Variants in DMXL1 observed in about 807,000 individuals in gnomAD.
DMXL1 encodes Dmx like 1.
Under a neutral mutation model 319.2 loss-of-function variants are expected in DMXL1, and 99 were observed. The ratio of observed to expected loss-of-function variants is 0.31; its 90% CI spans 0.26 to 0.37. DMXL1 has a LOEUF of 0.37. Among genes scored for constraint, DMXL1 ranks in the 10% least tolerant of loss-of-function variants. The probability of loss-of-function intolerance (pLI) is 1.00; values close to 1 mark genes in which losing one functional copy is unlikely to be tolerated. For synonymous variants in DMXL1, 1,385 were observed against 1,235.2 expected (o/e 1.12, Z -2.54); for missense variants, 3,745 against 3,595.6 (o/e 1.04, Z -1.06).
At chr5:119,174,585 A>G (rs1775417566) in intron 25 of DMXL1, among the ~76,000 whole-genome samples, 1 of 152,254 alleles carries the variant, frequency 6.6e-6, no homozygotes, top group Admixed American at 6.5e-5. Context: ...TGACTGGCAT[A>G]CTTCACAATC....
intron 9 of DMXL1, among the ~76,000 whole-genome samples, chr5:119,123,096 C>T (rs892189172): frequency 6.6e-6 from 1 of 152,122 alleles, no homozygotes; most frequent in Admixed American, 6.5e-5. Flanking sequence ...TGGTTAGGAG[C>T]TGGAGACCGG....
rs1184621030 is a variant in DMXL1, at chr5:119,181,499, T to C, written c.7135+3255T>C. Among the ~76,000 whole-genome samples the C allele has an allele frequency of 3.9e-5, 6 of 152,304 alleles. No individual in the cohort carries two copies. The South Asian group carries it at 1.2e-3, about 32-fold the overall frequency. On this transcript the variant is annotated intron_variant, in intron 28 of 43. Coordinates refer to ENST00000539542, the MANE Select transcript of DMXL1 (RefSeq NM_001290321.3). ...CACTGAATGATGAAAACTAAAGGCCTGCTGGTTTCAAAGCCAAGCTAATTT... is the reference window on the plus strand; with the variant it reads ...CACTGAATGATGAAAACTAAAGGCCCGCTGGTTTCAAAGCCAAGCTAATTT...
At chr5:119,077,534 C>T (rs1249594897) in intron 1 of DMXL1, among the ~76,000 whole-genome samples, 1 of 118,104 alleles carries the variant, frequency 8.5e-6, no homozygotes, top group African/African-American at 3.3e-5. Context: ...GTCACCCAGG[C>T]TGGAGTACAG....
chr5:119,147,031 G>C, intron 16 of DMXL1, 75 bp downstream of exon 16: 1 of 1,525,904 alleles, frequency 6.6e-7, no homozygotes, highest in Non-Finnish European at 8.9e-7. Flanking sequence ...TAGATAATTT[G>C]GGACATATTT....
intron 1 of DMXL1, among the ~76,000 whole-genome samples, chr5:119,075,385 G>T (rs540778894): frequency 1.3e-4 from 19 of 151,752 alleles, no homozygotes; most frequent in African/African-American, 4.6e-4. Flanking sequence ...GATTACAGGC[G>T]CACACCACCA....
chr5:119,163,459 G>A (rs998833512), intron 19 of DMXL1, among the ~76,000 whole-genome samples: 8 of 152,078 alleles, frequency 5.3e-5, no homozygotes, highest in African/African-American at 1.7e-4. Flanking sequence ...CTCTGTTGCC[G>A]AGGCTGGAGT....
intron 1 of DMXL1, among the ~76,000 whole-genome samples, chr5:119,077,886 T>TACAC (rs150990404): frequency 2.2e-5 from 3 of 138,772 alleles, no homozygotes; most frequent in South Asian, 4.8e-4. Flanking sequence ...TAGATATATA[T>TACAC]ACACACACAC....
At chr5:119,120,908 A>G (rs1580816874) in intron 8 of DMXL1, 63 bp from the exon 9 acceptor site, 1 of 1,299,346 alleles carries the variant, frequency 7.7e-7, no homozygotes, top group East Asian at 2.6e-5. Context: ...GACAATCATT[A>G]TATAACCTAT....
At chr5:119,082,014 T>TACAC (rs1387091055) in intron 1 of DMXL1, among the ~76,000 whole-genome samples, 9 of 73,046 alleles carry the variant, frequency 1.2e-4, no homozygotes, top group Non-Finnish European at 2.0e-4. Flanking sequence ...TATATATATA[T>TACAC]ATATATACAC....
At position 119,197,967 on chromosome 5, in the gene DMXL1, T is replaced by C; in HGVS notation, c.7745+11T>C. 6.2e-7 allele frequency: 1 copy of C among 1,613,484 alleles called. No homozygotes were observed. The highest frequency in any genetic ancestry group is 8.5e-7 in the Non-Finnish European group (1 of 1,179,470). ...AAACACTCCTTTCAAGTAGGTTTTC[T>C]TATGAATGCTATTTGGGTTTTTTTG... On this transcript the variant is annotated intron_variant, in intron 32 of 43. Transcript: ENST00000539542.
chr5:119,152,024 C>G lies in DMXL1; in HGVS notation c.4690C>G (p.Leu1564Val). Residue 1564 changes from leucine to valine, a missense_variant, in exon 19 of 44, where the codon CTC (leucine) becomes GTC (valine). By Grantham distance (32) the Leu-to-Val change is conservative. This residue lies in a region of DMXL1 where 2,096 missense variants were observed against 1,985.4 expected (regional missense o/e 1.06). Coordinates refer to ENST00000539542, the MANE Select transcript of DMXL1 (RefSeq NM_001290321.3). Reference sequence around the variant, plus strand: ...TTCCCTTCCAGCCTATCGAGCTCAACTCCTTCACCAAGGTGATTTTGATAG... The same window carrying G: ...TTCCCTTCCAGCCTATCGAGCTCAAGTCCTTCACCAAGGTGATTTTGATAG... ...TTSLPAYRAQLLHQGLSTSHF... is the reference protein window; with the variant it reads ...TTSLPAYRAQVLHQGLSTSHF... 1 of 1,609,352 alleles carries G rather than the reference C, an allele frequency of 6.2e-7. No individual in the cohort carries two copies. Among genetic ancestry groups the G allele is most frequent in the Non-Finnish European group, 8.5e-7 (1 of 1,176,706 alleles).
Position 119,150,158 on chromosome 5 carries a change from A to G in DMXL1, c.4331A>G (p.Asp1444Gly), listed in dbSNP as rs1364878246. ...AACCAATTATCTAAAGAAAGTTATG[A>G]TGAGCTTTTTCAGACTCAACTTCTA... is the stretch of plus-strand genomic sequence containing the variant. ...KSNQLSKESY[D>G]ELFQTQLLMT... Residue 1444 changes from aspartate (D) to glycine (G), a missense_variant, in exon 18 of 44, where the codon GAT (aspartate) becomes GGT (glycine). By Grantham distance (94) the Asp-to-Gly change is moderately conservative (BLOSUM62 -1). This residue lies in a region of DMXL1 where 2,096 missense variants were observed against 1,985.4 expected (regional missense o/e 1.06). Coordinates refer to ENST00000539542, the MANE Select transcript of DMXL1 (RefSeq NM_001290321.3). 1 of 1,613,890 alleles carries G rather than the reference A, an allele frequency of 6.2e-7. No individual in the cohort carries two copies. Among genetic ancestry groups the G allele is most frequent in the East Asian group, 2.2e-5 (1 of 44,882 alleles).
At chr5:119,200,403 C>A (rs1372060084) in intron 32 of DMXL1, among the ~76,000 whole-genome samples, 1 of 152,036 alleles carries the variant, frequency 6.6e-6, no homozygotes, top group South Asian at 2.1e-4. Context: ...ACCTTACTTC[C>A]CAGTTCTCTA....
At chr5:119,136,724 C>CAGAGAGT (rs1766077050) in intron 13 of DMXL1, among the ~76,000 whole-genome samples, 2 of 152,236 alleles carry the variant, frequency 1.3e-5, no homozygotes, top group Non-Finnish European at 2.9e-5. Flanking sequence ...GAGTGCAAGC[C>CAGAGAGT]CCAAGCCTTG....
chr5:119,226,503 T>A (rs1407276040), intron 38 of DMXL1, among the ~76,000 whole-genome samples: 2 of 152,162 alleles, frequency 1.3e-5, no homozygotes, highest in Non-Finnish European at 2.9e-5. Flanking sequence ...ACACACTGTT[T>A]CTCTATGCTG....
chr5:119,118,019 C>T (rs1213435276), intron 7 of DMXL1, among the ~76,000 whole-genome samples: 2 of 152,152 alleles, frequency 1.3e-5, no homozygotes, highest in Non-Finnish European at 2.9e-5. Context: ...ACTGAATTCC[C>T]TGATGGAAGG....
At chr5:119,134,437 C>T (rs781760547) in intron 13 of DMXL1, 48 bp downstream of exon 13, 1 of 1,460,624 alleles carries the variant, frequency 6.8e-7, no homozygotes, top group Non-Finnish European at 9.3e-7. Context: ...ATTATGTTTT[C>T]AGATAGTTTA....
Position 119,177,934 on chromosome 5 carries a change from G to C in DMXL1, c.6887-62G>C, listed in dbSNP as rs1046610031. 4.3e-6 allele frequency: 6 copies of C among 1,407,336 alleles called. No homozygotes were observed. The African/African-American group carries it at 7.3e-5, about 17-fold the overall frequency. The allele number at this position is 1,407,336 out of a possible 1,614,324, so 87.2% of individuals were successfully genotyped here. A position where few individuals can be genotyped will look rare whatever the true frequency, so the allele number is the denominator to read the frequency against. On this transcript the variant is annotated intron_variant, in intron 27 of 43. Transcript: ENST00000539542. The stretch of plus-strand genomic sequence containing the variant: ...TTTTTCCTGAAATTAGAAAAATATA[G>C]TTAATTTTTAAAATTTTAAAAATTT...
rs1751944083 is a variant in DMXL1 at position 119,080,416 on chromosome 5, CCA to C, written c.87+8764_87+8765del. 5.3e-5 allele frequency among the ~76,000 whole-genome samples: 8 copies of C among 152,236 alleles called. No individual in the cohort carries two copies. In the South Asian group the frequency reaches 1.7e-3, roughly 32 times the overall value. ...CCCCTACCTTGGTGCACCTTCCAACCCACACCCCAATTTGTTTTGTTCGTCCT... is the reference window on the plus strand; with the variant it reads ...CCCCTACCTTGGTGCACCTTCCAACCCACCCCAATTTGTTTTGTTCGTCCT... On this transcript the variant is annotated intron_variant, in intron 1 of 43. Transcript: ENST00000539542.
Sources: gnomAD v4.1 joint callset for allele counts (sites outside exome capture counted in the v4.1 genomes callset) on GRCh38, gnomAD v4.1.1 for gene constraint, gnomAD v4.1.1 regional missense constraint, MANE v1.5 for transcripts, NCBI Gene and HGNC (gene_info 2026-07-23, HGNC 2026-07-21) for gene names.